TDRD1: variants seen among roughly 807,000 people sequenced by gnomAD.
The protein encoded by TDRD1 is tudor domain-containing protein 1.
In TDRD1, 37 loss-of-function variants were observed where a neutral mutation model predicts 140.6. The observed-to-expected ratio is 0.26, with a 90% CI of 0.20 to 0.35. The LOEUF is 0.35. Ranked by LOEUF, TDRD1 falls within the 10% of genes least tolerant of loss-of-function variation. TDRD1 has a pLI of 1.00. For missense variants in TDRD1, 1,243 were observed against 1,393.0 expected (o/e 0.89, Z 1.71); for synonymous variants, 506 against 475.7 (o/e 1.06, Z -0.83).
At chr10:114,204,264 T>C (rs202108243) in intron 9 of TDRD1, 48 bp downstream of exon 9, 3 of 1,537,008 alleles carry the variant, frequency 2.0e-6, no homozygotes, top group Non-Finnish European at 2.6e-6. Flanking sequence ...CCAAAGGAGC[T>C]GTTGTCAATG....
At chr10:114,225,533 T>C (rs2036384134) in intron 21 of TDRD1, among the ~76,000 whole-genome samples, 1 of 150,630 alleles carries the variant, frequency 6.6e-6, no homozygotes, top group South Asian at 2.1e-4. Context: ...TCTTTTCTCT[T>C]GTTCTCTACT....
At chr10:114,203,287 C>T (rs1463097999) in intron 7 of TDRD1, 101 bp from the exon 8 acceptor site, 6 of 1,498,564 alleles carry the variant, frequency 4.0e-6, no homozygotes, top group Non-Finnish European at 5.4e-6. Flanking sequence ...ATTGCAAAAA[C>T]TGCCTACAAT....
chr10:114,213,665 T>C lies in TDRD1; in HGVS notation c.2074+77T>C, dbSNP rs1291012859. 2.0e-5 allele frequency: 26 copies of C among 1,297,526 alleles called. No individual in the cohort carries two copies. The Admixed American group carries it at 4.2e-4, about 21-fold the overall frequency. 80.4% of individuals were successfully genotyped at this position (1,297,526 alleles called of 1,614,324 possible). On this transcript the variant is annotated intron_variant, in intron 15 of 25. Coordinates refer to ENST00000251864, the Ensembl canonical transcript of TDRD1. ...ATAAATAAATAGTTTCTTGTACTTA[T>C]AAAAAGAATTTATGTTGAATGCCTT...
intron 11 of TDRD1, among the ~76,000 whole-genome samples, chr10:114,206,611 G>GTTTTTTTTTTTTTTTTTTT (rs33936742): frequency 9.4e-6 from 1 of 105,992 alleles, no homozygotes. Flanking sequence ...GTTAGGGTTT[G>GTTTTTTTTTTTTTTTTTTT]TTTTTTTTTT....
intron 10 of TDRD1, 111 bp from the exon 11 acceptor site, chr10:114,206,133 T>C (rs2035082884): frequency 1.3e-6 from 1 of 775,220 alleles, no homozygotes; most frequent in African/African-American, 1.7e-5. Context: ...TACCAACCTA[T>C]TAATAGCTAT....
At chr10:114,196,996 T>A (rs1450782060) in intron 3 of TDRD1, among the ~76,000 whole-genome samples, 2 of 146,530 alleles carry the variant, frequency 1.4e-5, no homozygotes, top group Non-Finnish European at 3.0e-5. Flanking sequence ...ACAGATGCCC[T>A]CCACCACACC....
intron 10 of TDRD1, among the ~76,000 whole-genome samples, chr10:114,205,209 A>G (rs969934813): frequency 1.3e-5 from 2 of 152,164 alleles, no homozygotes; most frequent in African/African-American, 4.8e-5. Context: ...GTTTGTCCTT[A>G]TATCAGTGCT....
exon 10 of TDRD1, chr10:114,204,797 C>G: frequency 6.2e-7 from 1 of 1,607,388 alleles, no homozygotes; most frequent in Middle Eastern, 1.7e-4. Context: ...AGCTACTAAA[C>G]CACTGTTAAT....
At position 114,215,074 on chromosome 10, in the gene TDRD1, G is replaced by T. The variant is rs1019651997; in HGVS notation, c.2212+960G>T. 3.3e-5 allele frequency among the ~76,000 whole-genome samples: 5 copies of T among 152,066 alleles called. No individual in the cohort carries two copies. In the South Asian group the frequency reaches 6.2e-4, roughly 19 times the overall value. On this transcript the variant is annotated intron_variant, in intron 16 of 25. Transcript: ENST00000251864. ...TCTCTCTTTCAAAAGTAAACATCTT[G>T]CTTTCTAATAGCATAGATAAGTTCT... is the stretch of plus-strand genomic sequence containing the variant.
chr10:114,215,459 C>CA (rs2035761230), intron 16 of TDRD1, among the ~76,000 whole-genome samples: 3 of 152,130 alleles, frequency 2.0e-5, no homozygotes, highest in Non-Finnish European at 4.4e-5. Context: ...GCAGCTTCCC[C>CA]ATCTACAAAG....
At chr10:114,184,360 A>T (rs547025571) in intron 1 of TDRD1, among the ~76,000 whole-genome samples, 1 of 152,322 alleles carries the variant, frequency 6.6e-6, no homozygotes, top group South Asian at 2.1e-4. Context: ...TGGAGTGATG[A>T]CGCAAAGGAA....
intron 3 of TDRD1, among the ~76,000 whole-genome samples, chr10:114,193,616 C>T (rs1375912967): frequency 1.3e-5 from 2 of 152,150 alleles, no homozygotes; most frequent in African/African-American, 2.4e-5. Flanking sequence ...TTTAAGATCC[C>T]TTGCAGTTTT....
chr10:114,232,343 A>G (rs1200172481), downstream of TDRD1: 2 of 151,516 alleles, frequency 1.3e-5, no homozygotes, highest in Non-Finnish European at 2.9e-5. Context: ...ATTTTTCCTG[A>G]AGCATGAAAA....
intron 3 of TDRD1, among the ~76,000 whole-genome samples, chr10:114,198,114 T>G (rs1438263169): frequency 6.6e-6 from 1 of 152,160 alleles, no homozygotes; most frequent in Non-Finnish European, 1.5e-5. Context: ...GGATGGGAGT[T>G]CCAGCTTCAC....
At chr10:114,214,749 T>C (rs2035704425) in intron 16 of TDRD1, among the ~76,000 whole-genome samples, 1 of 151,764 alleles carries the variant, frequency 6.6e-6, no homozygotes, top group African/African-American at 2.4e-5. Context: ...TTTTTTTTTT[T>C]TTCATTGAGA....
chr10:114,219,207 A>C lies in TDRD1; in HGVS notation c.2494+623A>C, dbSNP rs752495318. 3.9e-5 allele frequency among the ~76,000 whole-genome samples: 6 copies of C among 152,306 alleles called. No homozygotes were observed. In the South Asian group the frequency reaches 6.2e-4, roughly 16 times the overall value. ...AGGTTATAAAAGAGTGTTGTGATAA[A>C]GACAATAGACGTCAGAGCCAACTGC... On this transcript the variant is annotated intron_variant, in intron 18 of 25. Transcript: ENST00000251864.
At chr10:114,209,634 A>G (rs556360933) in intron 11 of TDRD1, among the ~76,000 whole-genome samples, 2 of 152,334 alleles carry the variant, frequency 1.3e-5, no homozygotes, top group African/African-American at 4.8e-5. Context: ...GATTTCTAAC[A>G]TAACTTCAAC....
intron 3 of TDRD1, among the ~76,000 whole-genome samples, chr10:114,195,821 C>CT (rs1165948542): frequency 2.6e-5 from 4 of 152,062 alleles, no homozygotes; most frequent in African/African-American, 9.7e-5. Flanking sequence ...GTTTTCTGTT[C>CT]TTTTTTCCTG....
chr10:114,206,146 A>G, intron 10 of TDRD1, 98 bp from the exon 11 acceptor site: 1 of 864,232 alleles, frequency 1.2e-6, no homozygotes, highest in East Asian at 2.6e-5. Flanking sequence ...ATAGCTATGA[A>G]CGTGTGTTGT....
Sources: gnomAD v4.1 joint callset for allele counts (sites outside exome capture counted in the v4.1 genomes callset) on GRCh38, gnomAD v4.1.1 for gene constraint, MANE v1.5 for transcripts, NCBI Gene and HGNC (gene_info 2026-07-23, HGNC 2026-07-21) for gene names.